The following MAD1L1 variants were observed in gnomAD, a reference collection of about 807,000 sequenced individuals.
MAD1L1 encodes mitotic spindle assembly checkpoint protein MAD1.
A neutral mutation model predicts 96.9 loss-of-function variants in MAD1L1; 95 were observed. That is an observed-to-expected ratio of 0.98 (90% confidence interval 0.83 to 1.16). MAD1L1 has a LOEUF of 1.16. MAD1L1 is among the 50% of genes most tolerant of loss of function. The pLI, the probability that MAD1L1 is intolerant of heterozygous loss-of-function variation, is 0.00. For synonymous variants in MAD1L1, 473 were observed against 396.6 expected (o/e 1.19, Z -2.29); for missense variants, 1,007 against 954.4 (o/e 1.06, Z -0.73).
intron 18 of MAD1L1, among the ~76,000 whole-genome samples, chr7:1,852,055 T>TCTGGG (rs1428489099): frequency 6.6e-6 from 1 of 152,148 alleles, no homozygotes; most frequent in African/African-American, 2.4e-5. Flanking sequence ...ACAAGATTGT[T>TCTGGG]CTGGAATCTG....
intron 10 of MAD1L1, among the ~76,000 whole-genome samples, chr7:2,163,362 A>G (rs917159561): frequency 1.8e-4 from 27 of 152,108 alleles, no homozygotes; most frequent in African/African-American, 6.3e-4. Flanking sequence ...CACACAGGCG[A>G]CAGTATGTAT....
At chr7:2,020,792 T>C (rs1049083661) in intron 12 of MAD1L1, among the ~76,000 whole-genome samples, 3 of 151,546 alleles carry the variant, frequency 2.0e-5, no homozygotes, top group African/African-American at 7.3e-5. Context: ...AAGGTCTTGC[T>C]CTGTCGTCTA....
In MAD1L1 at chr7:2,215,866, A is replaced by G. The variant is rs775292239; in HGVS notation, c.924+19T>C. On this transcript the variant is annotated intron_variant, in intron 9 of 18. Coordinates refer to ENST00000265854, the MANE Select transcript of MAD1L1 (RefSeq NM_001013836.2). ...GGCAGAGGACACCCACAGGAACCGC[A>G]CACCACACAGGCCCTCACCTCGTTC... 1.9e-6 allele frequency: 3 copies of G among 1,612,120 alleles called. No homozygotes were observed. The highest frequency in any genetic ancestry group is 4.5e-5 in the East Asian group (2 of 44,876).
At chr7:2,046,141 C>T (rs934274643) in intron 12 of MAD1L1, among the ~76,000 whole-genome samples, 1 of 152,162 alleles carries the variant, frequency 6.6e-6, no homozygotes, top group African/African-American at 2.4e-5. Context: ...TCCTGGGATG[C>T]GGGTGGTGGC....
At chr7:2,012,454 C>T (rs974475912) in intron 13 of MAD1L1, among the ~76,000 whole-genome samples, 5 of 152,248 alleles carry the variant, frequency 3.3e-5, no homozygotes, top group African/African-American at 7.2e-5. Flanking sequence ...TGGCTATTAA[C>T]GCACTTAGGT....
intron 10 of MAD1L1, among the ~76,000 whole-genome samples, chr7:2,150,444 T>C (rs1789517171): frequency 6.6e-6 from 1 of 152,110 alleles, no homozygotes; most frequent in Non-Finnish European, 1.5e-5. Context: ...ACCCTACCCA[T>C]GGGCCCCCGA....
At chr7:1,937,013 A>C (rs932994537) in intron 16 of MAD1L1, 116 bp from the exon 17 acceptor site, 2 of 780,136 alleles carry the variant, frequency 2.6e-6, no homozygotes, top group Non-Finnish European at 4.1e-6. Context: ...CACACACAGC[A>C]CAGTGCTCAG....
At chr7:1,953,859 G>A (rs967350945) in intron 16 of MAD1L1, among the ~76,000 whole-genome samples, 3 of 152,254 alleles carry the variant, frequency 2.0e-5, no homozygotes, top group Non-Finnish European at 2.9e-5. Context: ...CACAGGTGCC[G>A]GCCCAGGCTG....
At chr7:1,818,942 G>A (rs1000862462) in intron 18 of MAD1L1, among the ~76,000 whole-genome samples, 2 of 152,044 alleles carry the variant, frequency 1.3e-5, no homozygotes, top group African/African-American at 2.4e-5. Context: ...CAGACCCAGC[G>A]TTTGCAAAAC....
At chr7:1,865,605 A>G (rs1251333183) in intron 18 of MAD1L1, among the ~76,000 whole-genome samples, 1 of 152,240 alleles carries the variant, frequency 6.6e-6, no homozygotes, top group Non-Finnish European at 1.5e-5. Flanking sequence ...GATACTCAAT[A>G]TTAATACCAT....
intron 17 of MAD1L1, among the ~76,000 whole-genome samples, chr7:1,901,062 C>A (rs1300687676): frequency 6.6e-6 from 1 of 152,126 alleles, no homozygotes. Context: ...ATCCTCCATG[C>A]CACACAGACC....
intron 15 of MAD1L1, among the ~76,000 whole-genome samples, chr7:1,958,853 A>C (rs1357044256): frequency 2.6e-5 from 4 of 152,254 alleles, no homozygotes; most frequent in Non-Finnish European, 4.4e-5. Context: ...GTAGAAGTGG[A>C]AACTACCTGT....
chr7:2,219,160 T>C (rs1793449973), intron 6 of MAD1L1, among the ~76,000 whole-genome samples, 172 bp downstream of exon 6: 1 of 152,194 alleles, frequency 6.6e-6, no homozygotes. Context: ...GGACACTTTC[T>C]GGGCTCACGG....
intron 3 of MAD1L1, among the ~76,000 whole-genome samples, chr7:2,228,281 C>T (rs1794011166): frequency 6.6e-6 from 1 of 152,158 alleles, no homozygotes; most frequent in Non-Finnish European, 1.5e-5. Context: ...GCATTTCAGA[C>T]CAGAGTTGCC....
At chr7:2,162,297 T>A (rs62443032) in intron 10 of MAD1L1, among the ~76,000 whole-genome samples, 1 of 151,930 alleles carries the variant, frequency 6.6e-6, no homozygotes, top group East Asian at 1.9e-4. Context: ...CCCCCAACCC[T>A]GTGCTCTCTG....
intron 15 of MAD1L1, among the ~76,000 whole-genome samples, chr7:1,965,608 G>A (rs1282640302): frequency 6.6e-6 from 1 of 152,254 alleles, no homozygotes; most frequent in Non-Finnish European, 1.5e-5. Flanking sequence ...CCTGCTCGGA[G>A]TATGGACTCC....
rs1300353452 is a variant in MAD1L1, at chr7:2,071,478, G to C, written c.1074-2140C>G. On this transcript the variant is annotated intron_variant, in intron 11 of 18. Transcript: ENST00000265854. Reference sequence around the variant, plus strand: ...TCGTCAACCCATCTACCAGAACACAGCTCCTAAAACCCTCGGGCTTTCCCG... The same window carrying C: ...TCGTCAACCCATCTACCAGAACACACCTCCTAAAACCCTCGGGCTTTCCCG... 3.3e-5 allele frequency among the ~76,000 whole-genome samples: 5 copies of C among 152,236 alleles called. No individual in the cohort carries two copies. In the East Asian group the frequency reaches 9.6e-4, roughly 29 times the overall value.
At chr7:1,999,880 A>T (rs2128491899) in intron 14 of MAD1L1, among the ~76,000 whole-genome samples, 1 of 152,050 alleles carries the variant, frequency 6.6e-6, no homozygotes, top group East Asian at 1.9e-4. Flanking sequence ...TCCCCTGAAA[A>T]CACTTCCTTC....
At chr7:2,075,786 C>T (rs920412110) in intron 11 of MAD1L1, among the ~76,000 whole-genome samples, 4 of 152,196 alleles carry the variant, frequency 2.6e-5, no homozygotes, top group South Asian at 4.1e-4. Flanking sequence ...GACATTTTAA[C>T]GACCTTCCTC....
Sources: gnomAD v4.1 joint callset for allele counts (sites outside exome capture counted in the v4.1 genomes callset) on GRCh38, gnomAD v4.1.1 for gene constraint, MANE v1.5 for transcripts, NCBI Gene and HGNC (gene_info 2026-07-23, HGNC 2026-07-21) for gene names.